ANKS1A: variants seen among roughly 807,000 people sequenced by gnomAD.
ANKS1A encodes ankyrin repeat and sterile alpha motif domain containing 1A, also known as ankyrin repeat and SAM domain-containing protein 1A.
A neutral mutation model predicts 120.3 loss-of-function variants in ANKS1A; 55 were observed. The ratio of observed to expected loss-of-function variants is 0.46; its 90% CI spans 0.37 to 0.57. ANKS1A has a LOEUF of 0.57. Among genes scored for constraint, ANKS1A ranks in the 20% least tolerant of loss-of-function variants. ANKS1A has a pLI of 0.00. For missense variants in ANKS1A, 1,123 were observed against 1,480.3 expected, an observed-to-expected ratio of 0.76 and a Z score of 3.96; for synonymous variants, 590 against 604.7, an observed-to-expected ratio of 0.98 and a Z score of 0.36.
intron 1 of ANKS1A, among the ~76,000 whole-genome samples, chr6:34,931,595 A>G (rs1337319054): frequency 6.6e-6 from 1 of 152,144 alleles, no homozygotes; most frequent in African/African-American, 2.4e-5. Flanking sequence ...TGGAGCCACA[A>G]TCTTAGGTGG....
chr6:34,942,604 G>C (rs944662565), intron 1 of ANKS1A, among the ~76,000 whole-genome samples: 5 of 152,142 alleles, frequency 3.3e-5, no homozygotes, highest in African/African-American at 1.2e-4. Context: ...TTGCAGATAG[G>C]GAGTGTAAAG....
chr6:34,956,973 C>G (rs1250671781), intron 1 of ANKS1A, among the ~76,000 whole-genome samples: 1 of 152,226 alleles, frequency 6.6e-6, no homozygotes, highest in Non-Finnish European at 1.5e-5. Flanking sequence ...CTGGCCTCCT[C>G]TGCCACCTGG....
At chr6:35,079,691 G>A (rs368328102) in intron 15 of ANKS1A, 23 bp downstream of exon 15, 160 of 1,614,014 alleles carry the variant, frequency 9.9e-5, no homozygotes, top group African/African-American at 2.1e-4. Flanking sequence ...TGCGTGGCCC[G>A]GCCTGGACTC....
At chr6:35,071,028 C>T (rs979938431) in intron 13 of ANKS1A, 29 of 499,880 alleles carry the variant, frequency 5.8e-5, no homozygotes, top group South Asian at 4.3e-4. Flanking sequence ...TTGTTGTCAT[C>T]AACCTTACTT....
chr6:35,089,384 T>TAA lies in ANKS1A; in HGVS notation c.*776_*777insAA. On this transcript the variant is annotated 3_prime_UTR_variant, in exon 24 of 24. Transcript: ENST00000360359. ...AGCGCCAGGCCTCTCCCTGGCCTCT[T>TAA]ACCTGTCAGTGATCGGAGCACTGCC... 1.4e-5 allele frequency: 14 copies of TAA among 986,630 alleles called. No homozygotes were observed. The highest frequency in any genetic ancestry group is 1.7e-5 in the Non-Finnish European group (14 of 830,540). The allele number at this position is 986,630 out of a possible 1,614,324, so 61.1% of individuals were successfully genotyped here.
chr6:35,084,529 T>G lies in ANKS1A; in HGVS notation c.3132+271T>G, dbSNP rs1159051931. ...TTTTTTAAGAGATGGAGTCTCACTATGTTGCCCAGGCTTGCCTTGCACTCC... is the reference window on the plus strand; with the variant it reads ...TTTTTTAAGAGATGGAGTCTCACTAGGTTGCCCAGGCTTGCCTTGCACTCC... On this transcript the variant is annotated intron_variant, in intron 21 of 23. Coordinates refer to ENST00000360359, the MANE Select transcript of ANKS1A (RefSeq NM_015245.3). The surrounding 1 kb of genome is among the most constrained non-coding windows in gnomAD (Gnocchi z 4.8). Among the ~76,000 whole-genome samples, 2 of 149,870 alleles carry G rather than the reference T, an allele frequency of 1.3e-5. No individual in the cohort carries two copies. The highest frequency in any genetic ancestry group is 5.0e-5 in the African/African-American group (2 of 40,326).
At chr6:35,081,351 A>C (rs1260475690) in intron 17 of ANKS1A, among the ~76,000 whole-genome samples, 193 bp downstream of exon 17, 1 of 152,140 alleles carries the variant, frequency 6.6e-6, no homozygotes, top group Non-Finnish European at 1.5e-5. Context: ...CATGGTGCCG[A>C]GCTCGGGCCG....
Position 35,085,890 on chromosome 6 carries a change from C to A in ANKS1A, c.3257C>A (p.Ser1086Tyr). The A allele has an allele frequency of 6.2e-7, 1 of 1,613,492 alleles. No homozygotes were observed. Among genetic ancestry groups the A allele is most frequent in the Non-Finnish European group, 8.5e-7 (1 of 1,179,848 alleles). The change falls in exon 22 of 24, where the codon TCT becomes TAT. Residue 1086 changes from serine (S) to tyrosine (Y), a missense_variant. Ser to Tyr is a moderately radical substitution (Grantham distance 144). This residue lies in a region of ANKS1A where 904 missense variants were observed against 1,130.4 expected (regional missense o/e 0.80). Transcript: ENST00000360359. The surrounding 1 kb of genome is among the most constrained non-coding windows in gnomAD (Gnocchi z 4.7). ...ASAAEMIETKSSKPVPKPRVG... is the reference protein window; with the variant it reads ...ASAAEMIETKYSKPVPKPRVG... ...GCAGCTGAGATGATTGAAACAAAAT[C>A]TTCCAAACCGGTGCCTAAGCCTCGG...
chr6:35,016,935 C>CTTTTTTTTTTTT (rs558659921), intron 10 of ANKS1A, among the ~76,000 whole-genome samples: 5 of 87,372 alleles, frequency 5.7e-5, no homozygotes, highest in Non-Finnish European at 1.2e-4. Context: ...ATCATGACCT[C>CTTTTTTTTTTTT]TTTTTTTTTT....
intron 12 of ANKS1A, among the ~76,000 whole-genome samples, chr6:35,055,975 T>C (rs1222571597): frequency 6.6e-6 from 1 of 152,236 alleles, no homozygotes; most frequent in Non-Finnish European, 1.5e-5. Flanking sequence ...GAAATGGATG[T>C]TCAGGACTGA....
chr6:35,065,452 CTCG>C (rs1448811437), intron 13 of ANKS1A, among the ~76,000 whole-genome samples: 1 of 151,954 alleles, frequency 6.6e-6, no homozygotes, highest in Non-Finnish European at 1.5e-5. Flanking sequence ...GATTGCTGGC[CTCG>C]TTGTGAGCAG....
intron 7 of ANKS1A, among the ~76,000 whole-genome samples, chr6:34,984,804 G>C (rs1327408713): frequency 6.6e-6 from 1 of 152,152 alleles, no homozygotes; most frequent in Non-Finnish European, 1.5e-5. Flanking sequence ...TTATGGTATT[G>C]AGGTATTTTG....
chr6:34,974,961 C>A (rs903841959), intron 3 of ANKS1A, among the ~76,000 whole-genome samples: 3 of 152,100 alleles, frequency 2.0e-5, no homozygotes, highest in Non-Finnish European at 4.4e-5. Context: ...TGATTGTTTT[C>A]CCAACAGTGG....
intron 3 of ANKS1A, among the ~76,000 whole-genome samples, chr6:34,973,657 G>A (rs1176733762): frequency 6.6e-6 from 1 of 152,196 alleles, no homozygotes; most frequent in African/African-American, 2.4e-5. Flanking sequence ...ACACAAGGCA[G>A]ATATTTCATG....
At chr6:34,991,117 T>G (rs1772481213) in intron 9 of ANKS1A, among the ~76,000 whole-genome samples, 1 of 152,222 alleles carries the variant, frequency 6.6e-6, no homozygotes, top group Non-Finnish European at 1.5e-5. Flanking sequence ...TTTTTGTCTT[T>G]GGCAAGCTAT....
At chr6:34,975,148 C>G (rs1581580214) in intron 3 of ANKS1A, among the ~76,000 whole-genome samples, 1 of 152,128 alleles carries the variant, frequency 6.6e-6, no homozygotes, top group East Asian at 1.9e-4. Context: ...CCAATTGATG[C>G]AAACTACATT....
chr6:34,928,924 G>C (rs111712981), intron 1 of ANKS1A, among the ~76,000 whole-genome samples: 1 of 152,134 alleles, frequency 6.6e-6, no homozygotes, highest in Non-Finnish European at 1.5e-5. Context: ...CATGGGCCTG[G>C]TTTGAACACT....
chr6:35,045,856 C>A (rs1171603743), intron 11 of ANKS1A, among the ~76,000 whole-genome samples: 1 of 152,126 alleles, frequency 6.6e-6, no homozygotes, highest in Non-Finnish European at 1.5e-5. Context: ...GGACCTAACA[C>A]CCTGCAAGTC....
rs535705236 is a variant in ANKS1A at position 35,090,269 on chromosome 6, G to A, written c.*1660G>A. 2.0e-4 allele frequency: 258 copies of A among 1,289,702 alleles called. No individual in the cohort carries two copies. The African/African-American group carries it at 3.3e-3, about 17-fold the overall frequency. 79.9% of individuals were successfully genotyped at this position (1,289,702 alleles called of 1,614,324 possible). ...CATGAGCTACCGCTGTACAGTTCTC[G>A]GCCCCGGCTTTCTTCCAAGAGTTGA... On this transcript the variant is annotated 3_prime_UTR_variant, in exon 24 of 24. Coordinates refer to ENST00000360359, the MANE Select transcript of ANKS1A (RefSeq NM_015245.3).
Sources: gnomAD v4.1 joint callset for allele counts (sites outside exome capture counted in the v4.1 genomes callset) on GRCh38, gnomAD v4.1.1 for gene constraint, gnomAD v4.1.1 regional missense constraint, Gnocchi (gnomAD v3.1) non-coding constraint, MANE v1.5 for transcripts, NCBI Gene and HGNC (gene_info 2026-07-23, HGNC 2026-07-21) for gene names.